The following PWWP2B variants were observed in gnomAD, a reference collection of about 807,000 sequenced individuals.
PWWP2B encodes the protein PWWP domain containing 2B, also known as PWWP domain-containing protein 2B.
PWWP2B carries 9 observed loss-of-function variants against 15.5 expected under a neutral mutation model. The observed-to-expected ratio is 0.58, with a 90% CI of 0.35 to 1.02. PWWP2B has a LOEUF of 1.02. Ranked by LOEUF, PWWP2B falls within the 50% of genes least tolerant of loss-of-function variation. The pLI is 0.02. For missense variants in PWWP2B, 864 were observed against 865.3 expected (o/e 1.00, Z 0.02); for synonymous variants, 474 against 403.6 (o/e 1.17, Z -2.09).
chr10:132,401,934 T>G (rs2069621156), intron 1 of PWWP2B, among the ~76,000 whole-genome samples: 1 of 145,078 alleles, frequency 6.9e-6, no homozygotes, highest in Non-Finnish European at 1.5e-5. Flanking sequence ...GTTCCCACCC[T>G]GTTCTGTTCC....
chr10:132,402,142 G>T (rs1384661031), intron 1 of PWWP2B, among the ~76,000 whole-genome samples: 1 of 152,206 alleles, frequency 6.6e-6, no homozygotes, highest in Admixed American at 6.5e-5. Context: ...CCACCCATTT[G>T]ATCTGCCTGG....
chr10:132,408,575 G>A (rs935167457), intron 2 of PWWP2B, among the ~76,000 whole-genome samples: 53 of 152,282 alleles, frequency 3.5e-4, no homozygotes, highest in African/African-American at 1.2e-3. Context: ...CCCAGCTCCC[G>A]CCCACCGGCC....
chr10:132,405,762 C>T lies in PWWP2B; in HGVS notation c.1262C>T (p.Ser421Leu), dbSNP rs544928430. Reference protein sequence around the residue: ...PEGRADCASESACSSDSLDEA... With the variant: ...PEGRADCASELACSSDSLDEA... The stretch of plus-strand genomic sequence containing the variant: ...GGGAGAGCGGACTGTGCCAGTGAGT[C>T]GGCGTGCAGCAGCGACAGCCTGGAC... Residue 421 changes from serine (S) to leucine (L), a missense_variant, in exon 2 of 3, where the codon TCG becomes TTG. Ser to Leu is a moderately radical substitution (Grantham distance 145, BLOSUM62 -2). Around this residue, in one of 2 missense-constraint regions of PWWP2B, gnomAD observed 736 missense variants for 687.7 expected, o/e 1.07. Transcript: ENST00000305233. 3.7e-5 allele frequency: 60 copies of T among 1,607,244 alleles called. No individual in the cohort carries two copies. The Admixed American group carries it at 6.2e-4, about 17-fold the overall frequency.
At chr10:132,413,575 CTG>C (rs2069809222) in intron 2 of PWWP2B, among the ~76,000 whole-genome samples, 1 of 152,200 alleles carries the variant, frequency 6.6e-6, no homozygotes. Flanking sequence ...TTAAAACCCA[CTG>C]TGTTAGGATT....
chr10:132,397,484 C>A (rs1436342386), intron 1 of PWWP2B, 133 bp downstream of exon 1: 3 of 1,009,072 alleles, frequency 3.0e-6, no homozygotes, highest in African/African-American at 3.5e-5. Context: ...TTCTGCCGAG[C>A]CTGAGTTTCG....
intron 1 of PWWP2B, among the ~76,000 whole-genome samples, chr10:132,397,593 G>C (rs904107579): frequency 9.2e-5 from 14 of 151,820 alleles, no homozygotes; most frequent in African/African-American, 3.4e-4. Context: ...GGCCGGGGCG[G>C]GGGGCGCGGG....
At chr10:132,403,890 C>G (rs1003549192) in intron 1 of PWWP2B, among the ~76,000 whole-genome samples, 2 of 108,894 alleles carry the variant, frequency 1.8e-5, no homozygotes, top group Non-Finnish European at 4.0e-5. Flanking sequence ...AGGGCTCTCT[C>G]GGGGCCACTG....
At chr10:132,409,628 A>ACCCCCCCCCCCCCCC (rs1564876603) in intron 2 of PWWP2B, among the ~76,000 whole-genome samples, 3 of 143,610 alleles carry the variant, frequency 2.1e-5, no homozygotes, top group African/African-American at 5.3e-5. Flanking sequence ...TCTCTCCCTC[A>ACCCCCCCCCCCCCCC]CCACCCACCC....
At chr10:132,404,494 C>T (rs1258815455) in intron 1 of PWWP2B, 132 bp from the exon 2 acceptor site, 8 of 759,050 alleles carry the variant, frequency 1.1e-5, no homozygotes, top group African/African-American at 1.7e-5. Flanking sequence ...AAATACAGCC[C>T]TGGACTCAGG....
intron 1 of PWWP2B, 118 bp downstream of exon 1, chr10:132,397,469 T>G: frequency 9.9e-7 from 1 of 1,011,180 alleles, no homozygotes; most frequent in Non-Finnish European, 1.2e-6. Flanking sequence ...GCGCCCGCTT[T>G]CGGTTTCTGC....
intron 2 of PWWP2B, among the ~76,000 whole-genome samples, chr10:132,406,613 G>A (rs981328766): frequency 2.6e-5 from 4 of 152,252 alleles, no homozygotes; most frequent in African/African-American, 9.6e-5. Flanking sequence ...TTTGGAGTCA[G>A]GGATGTGGTT....
At position 132,404,833 on chromosome 10, in the gene PWWP2B, C is replaced by G. The variant is rs751155646; in HGVS notation, c.333C>G (p.Ala111=). The G allele has an allele frequency of 6.4e-7, 1 of 1,570,314 alleles. No homozygotes were observed. Among genetic ancestry groups the G allele is most frequent in the Non-Finnish European group, 8.6e-7 (1 of 1,162,520 alleles). The change falls in exon 2 of 3, where the codon GCC becomes GCG. Residue 111 remains alanine (A), a synonymous_variant. Coordinates refer to ENST00000305233, the MANE Select transcript of PWWP2B (RefSeq NM_138499.4). ...CGCCCCTCGTGCCGCCGCTGCCCGC[C>G]GGAAGCCTGCCCCCGTACCCTCCCT... is the stretch of plus-strand genomic sequence containing the variant. ...PPPPLVPPLP[A]GSLPPYPPYF...
At position 132,405,088 on chromosome 10, in the gene PWWP2B, C is replaced by A; in HGVS notation, c.588C>A (p.Ala196=). ...CGGAGGCCAGCCCCGGACCCCCAGCCGCGCCCAGGGCCCGCAGGAGGCTGG... is the reference window on the plus strand; with the variant it reads ...CGGAGGCCAGCCCCGGACCCCCAGCAGCGCCCAGGGCCCGCAGGAGGCTGG... ...SPPEASPGPP[A]APRARRRLGS... is the part of the protein sequence containing the mutation. The change falls in exon 2 of 3, where the codon GCC becomes GCA. Residue 196 remains alanine (A), a synonymous_variant. Coordinates refer to ENST00000305233, the MANE Select transcript of PWWP2B (RefSeq NM_138499.4). 1 of 1,530,702 alleles carries A rather than the reference C, an allele frequency of 6.5e-7. No homozygotes were observed. The allele number at this position is 1,530,702 out of a possible 1,614,324, so 94.8% of individuals were successfully genotyped here.
At position 132,413,382 on chromosome 10, in the gene PWWP2B, T is replaced by C. The variant is rs545989248; in HGVS notation, c.*17-3679T>C. On this transcript the variant is annotated intron_variant, in intron 2 of 2. Coordinates refer to ENST00000305233, the MANE Select transcript of PWWP2B (RefSeq NM_138499.4). ...CCCTAGCACCTCCCACCAAGGAGGG[T>C]GCCCGCGGGCGTCCCGGTGGGTGGT... is the stretch of plus-strand genomic sequence containing the variant. Among the ~76,000 whole-genome samples, 135 of 152,278 alleles carry C rather than the reference T, an allele frequency of 8.9e-4. 1 individual carries two copies. The highest frequency in any genetic ancestry group is 3.2e-3 in the African/African-American group (131 of 41,560).
rs142061528 is a variant in PWWP2B at position 132,417,162 on chromosome 10, C to T, written c.*118C>T. The T allele has an allele frequency of 2.8e-4, 427 of 1,519,674 alleles. 1 individual carries two copies. Among genetic ancestry groups the T allele is most frequent in the Middle Eastern group, 3.4e-4 (2 of 5,878 alleles). 94.1% of individuals were successfully genotyped at this position (1,519,674 alleles called of 1,614,324 possible). On this transcript the variant is annotated 3_prime_UTR_variant, in exon 3 of 3. Transcript: ENST00000305233. ...GGCTGCGTGCAGAGCCCACTGGGCA[C>T]GGTGGTCGGCCTGGTGTGAGGCCCC...
chr10:132,415,491 ACT>A (rs1491249145), intron 2 of PWWP2B, among the ~76,000 whole-genome samples: 1 of 148,032 alleles, frequency 6.8e-6, no homozygotes, highest in Non-Finnish European at 1.5e-5. Flanking sequence ...AAACACACCC[ACT>A]CACACACATC....
At chr10:132,415,134 G>A (rs890939241) in intron 2 of PWWP2B, among the ~76,000 whole-genome samples, 4 of 152,056 alleles carry the variant, frequency 2.6e-5, no homozygotes, top group African/African-American at 4.8e-5. Context: ...CAATTTAGAC[G>A]TTAGTTAAGG....
At chr10:132,403,941 A>ACGCGCAGCCCCGGGCCT (rs1219978267) in intron 1 of PWWP2B, among the ~76,000 whole-genome samples, 2 of 151,622 alleles carry the variant, frequency 1.3e-5, no homozygotes, top group African/African-American at 2.4e-5. Context: ...GCCCCGGGCC[A>ACGCGCAGCCCCGGGCCT]CGCGCAGCCC....
intron 1 of PWWP2B, among the ~76,000 whole-genome samples, chr10:132,402,097 G>A (rs550040052): frequency 6.6e-6 from 1 of 152,348 alleles, no homozygotes; most frequent in Admixed American, 6.5e-5. Context: ...TGTGACTCAG[G>A]GTCCCAAAGG....
Sources: allele counts gnomAD v4.1 joint callset (sites outside exome capture counted in the v4.1 genomes callset), GRCh38; gene constraint gnomAD v4.1.1; regional missense constraint gnomAD v4.1.1; transcripts MANE v1.5; gene names NCBI Gene and HGNC (gene_info 2026-07-23, HGNC 2026-07-21).